Variants in NRG3 observed in about 807,000 individuals in gnomAD.
NRG3 encodes neuregulin 3, also known as pro-neuregulin-3, membrane-bound isoform.
Under a neutral mutation model 66.9 loss-of-function variants are expected in NRG3, and 31 were observed. The ratio of observed to expected loss-of-function variants is 0.46; its 90% CI spans 0.35 to 0.63. NRG3 has a LOEUF of 0.63. Among genes scored for constraint, NRG3 ranks in the 20% least tolerant of loss-of-function variants. NRG3 has a pLI of 0.00. For missense variants in NRG3, 910 were observed against 878.9 expected (o/e 1.04, Z -0.45); for synonymous variants, 393 against 359.4 (o/e 1.09, Z -1.06).
chr10:82,236,502 C>T (rs2076758383), intron 1 of NRG3, among the ~76,000 whole-genome samples: 2 of 152,180 alleles, frequency 1.3e-5, no homozygotes, highest in Non-Finnish European at 2.9e-5. Flanking sequence ...GCACTACAAT[C>T]TGCCACAGTG....
At position 82,293,434 on chromosome 10, in the gene NRG3, A is replaced by G. The variant is rs146639767; in HGVS notation, c.824-65305A>G. Among the ~76,000 whole-genome samples the G allele has an allele frequency of 4.8e-3, 728 of 152,286 alleles. 6 individuals carry two copies. Among genetic ancestry groups the G allele is most frequent in the African/African-American group, 0.017 (698 of 41,564 alleles). On this transcript the variant is annotated intron_variant, in intron 1 of 8. Coordinates refer to ENST00000372141, the MANE Select transcript of NRG3 (RefSeq NM_001010848.4). ...TAAGTTCAATTATTATTGAGCCATC[A>G]TGAAATTGTGTTTACAGAATCACAC... is the stretch of plus-strand genomic sequence containing the variant.
At chr10:82,888,267 C>A (rs1357294255) in intron 4 of NRG3, among the ~76,000 whole-genome samples, 1 of 152,166 alleles carries the variant, frequency 6.6e-6, no homozygotes, top group African/African-American at 2.4e-5. Flanking sequence ...TTTGTACACA[C>A]ACACTCACAT....
Position 82,841,824 on chromosome 10 carries a change from A to T in NRG3, c.1028-23587A>T, listed in dbSNP as rs543354652. 1.4e-4 allele frequency among the ~76,000 whole-genome samples: 22 copies of T among 152,308 alleles called. 1 individual carries two copies. The South Asian group carries it at 2.7e-3, about 19-fold the overall frequency. Reference sequence around the variant, plus strand: ...TGACATATAAAGGTAAGCATCACATATGAAAAAGTAAATCAACATTTTTGC... The same window carrying T: ...TGACATATAAAGGTAAGCATCACATTTGAAAAAGTAAATCAACATTTTTGC... On this transcript the variant is annotated intron_variant, in intron 3 of 8. Transcript: ENST00000372141.
chr10:82,171,937 C>T (rs930804288), intron 1 of NRG3, among the ~76,000 whole-genome samples: 3 of 152,090 alleles, frequency 2.0e-5, no homozygotes, highest in Non-Finnish European at 4.4e-5. Context: ...ATTTTTATCA[C>T]TCAGCAATGT....
rs182378008 is a variant in NRG3, at chr10:82,019,420, A to C, written c.823+143257A>C. Among the ~76,000 whole-genome samples the C allele has an allele frequency of 3.6e-3, 552 of 152,230 alleles. 4 individuals are homozygous for C. The highest frequency in any genetic ancestry group is 0.013 in the African/African-American group (530 of 41,524). On this transcript the variant is annotated intron_variant, in intron 1 of 8. Coordinates refer to ENST00000372141, the MANE Select transcript of NRG3 (RefSeq NM_001010848.4). ...CTGTTTTGTTTGTTGTGTCTCTGCC[A>C]GGCTTTGGTATCAGGATGATGCTGG...
intron 3 of NRG3, among the ~76,000 whole-genome samples, chr10:82,755,531 A>G (rs942130021): frequency 6.6e-6 from 1 of 152,080 alleles, no homozygotes; most frequent in Non-Finnish European, 1.5e-5. Flanking sequence ...CTTAGGCCAT[A>G]GCTTCACTTC....
intron 2 of NRG3, among the ~76,000 whole-genome samples, chr10:82,447,308 G>T (rs1447059551): frequency 6.6e-6 from 1 of 152,190 alleles, no homozygotes; most frequent in African/African-American, 2.4e-5. Context: ...GGGGAGGCCA[G>T]GCACAGTGGC....
intron 4 of NRG3, among the ~76,000 whole-genome samples, chr10:82,893,674 G>A (rs61858779): frequency 0.044 from 6,638 of 151,978 alleles, 194 homozygotes; most frequent in South Asian, 0.15. Flanking sequence ...GCAACAGAGC[G>A]AGACTTTGTC....
chr10:81,919,947 C>T (rs1328649245), intron 1 of NRG3, among the ~76,000 whole-genome samples: 1 of 152,106 alleles, frequency 6.6e-6, no homozygotes, highest in Non-Finnish European at 1.5e-5. Context: ...TTGTTCTTCC[C>T]CGCTACTGCT....
At chr10:82,959,509 A>G (rs1287060117) in intron 6 of NRG3, among the ~76,000 whole-genome samples, 1 of 152,148 alleles carries the variant, frequency 6.6e-6, no homozygotes, top group Non-Finnish European at 1.5e-5. Context: ...AGGTTGGACA[A>G]GAGGAAGCCA....
chr10:82,287,020 T>C (rs1361496863), intron 1 of NRG3, among the ~76,000 whole-genome samples: 1 of 152,202 alleles, frequency 6.6e-6, no homozygotes, highest in Non-Finnish European at 1.5e-5. Context: ...ATTAAAGTAC[T>C]GTTATAGCAA....
chr10:82,295,298 T>C (rs1375093721), intron 1 of NRG3, among the ~76,000 whole-genome samples: 2 of 152,190 alleles, frequency 1.3e-5, no homozygotes, highest in African/African-American at 2.4e-5. Flanking sequence ...AGGACAAAGA[T>C]GGATGATTAT....
chr10:82,568,680 C>T (rs2045559245), intron 2 of NRG3, among the ~76,000 whole-genome samples: 2 of 151,644 alleles, frequency 1.3e-5, no homozygotes, highest in Admixed American at 6.6e-5. Context: ...GTTAAGTGCT[C>T]CAGTTATTAT....
At chr10:81,941,255 A>G (rs539304487) in intron 1 of NRG3, among the ~76,000 whole-genome samples, 41 of 152,126 alleles carry the variant, frequency 2.7e-4, no homozygotes, top group Middle Eastern at 3.2e-3. Context: ...GATATTATGC[A>G]TTTTTGTTAT....
chr10:82,466,039 C>G (rs1371510243), intron 2 of NRG3, among the ~76,000 whole-genome samples: 1 of 152,270 alleles, frequency 6.6e-6, no homozygotes, highest in East Asian at 1.9e-4. Context: ...TCCCAACCCT[C>G]CTGACTTCAT....
intron 2 of NRG3, among the ~76,000 whole-genome samples, chr10:82,644,424 C>T (rs539831939): frequency 6.6e-6 from 1 of 152,058 alleles, no homozygotes; most frequent in Admixed American, 6.6e-5. Context: ...AGGGCAGATG[C>T]CTTTTCTCTT....
At chr10:82,022,995 G>A (rs2062130350) in intron 1 of NRG3, among the ~76,000 whole-genome samples, 1 of 151,230 alleles carries the variant, frequency 6.6e-6, no homozygotes, top group Non-Finnish European at 1.5e-5. Context: ...GATCAAATTA[G>A]GGTAATTAGG....
At chr10:82,140,807 A>C (rs999234078) in intron 1 of NRG3, among the ~76,000 whole-genome samples, 8 of 152,180 alleles carry the variant, frequency 5.3e-5, no homozygotes, top group African/African-American at 1.9e-4. Flanking sequence ...ACGAAGTTTC[A>C]CACTTCCATC....
intron 1 of NRG3, among the ~76,000 whole-genome samples, chr10:82,234,628 A>T (rs970442231): frequency 1.3e-5 from 2 of 152,230 alleles, no homozygotes; most frequent in African/African-American, 4.8e-5. Context: ...ACAATATTTT[A>T]TTCAAAATAG....
Sources: allele counts gnomAD v4.1 joint callset (sites outside exome capture counted in the v4.1 genomes callset), GRCh38; gene constraint gnomAD v4.1.1; transcripts MANE v1.5; gene names NCBI Gene and HGNC (gene_info 2026-07-23, HGNC 2026-07-21).